The following SEC22C variants were observed in gnomAD, a reference collection of about 807,000 sequenced individuals.
SEC22C encodes the protein SEC22 homolog C, vesicle trafficking protein.
A neutral mutation model predicts 34.7 loss-of-function variants in SEC22C; 29 were observed. That is an observed-to-expected ratio of 0.84 (90% CI 0.62 to 1.14). The LOEUF (loss-of-function observed/expected upper bound fraction) is 1.14, where lower values mean the gene tolerates loss of function less well. Ranked by LOEUF, SEC22C falls within the 50% of genes most tolerant of loss-of-function variation. SEC22C has a pLI of 0.00. For missense variants in SEC22C, 337 were observed against 369.0 expected (o/e 0.91, Z 0.71); for synonymous variants, 117 against 132.8 (o/e 0.88, Z 0.82).
At position 42,597,379 on chromosome 3, in the gene SEC22C, C is replaced by A. The variant is rs568392387; in HGVS notation, c.-28+3581G>T. 9.9e-5 allele frequency among the ~76,000 whole-genome samples: 15 copies of A among 152,218 alleles called. No homozygotes were observed. In the South Asian group the frequency reaches 3.1e-3, roughly 32 times the overall value. On this transcript the variant is annotated intron_variant, in intron 1 of 6. Coordinates refer to the SEC22C transcript ENST00000417572. ...GACCAGCCTGACCAACATGGTGAAA[C>A]CCTGTCTCTACTAAAAATACAAAAA...
chr3:42,564,938 G>T (rs1703143589), intron 2 of SEC22C, among the ~76,000 whole-genome samples: 1 of 152,162 alleles, frequency 6.6e-6, no homozygotes, highest in Non-Finnish European at 1.5e-5. Flanking sequence ...TCGTGTTTTT[G>T]TAGAGATGGG....
intron 3 of SEC22C, among the ~76,000 whole-genome samples, chr3:42,562,792 C>G (rs1703001485): frequency 6.6e-6 from 1 of 152,310 alleles, no homozygotes; most frequent in Non-Finnish European, 1.5e-5. Context: ...ATGCTGTGTT[C>G]CAAAGTCTCT....
chr3:42,594,703 T>C (rs1460803307), intron 1 of SEC22C: 2 of 456,734 alleles, frequency 4.4e-6, no homozygotes, highest in Non-Finnish European at 7.8e-6. Flanking sequence ...CATGTAAATA[T>C]TTTTTAAATA....
intron 1 of SEC22C, among the ~76,000 whole-genome samples, chr3:42,572,637 G>A (rs1703717538): frequency 6.6e-6 from 1 of 152,172 alleles, no homozygotes; most frequent in Non-Finnish European, 1.5e-5. Flanking sequence ...GCAGTAATAA[G>A]ACAGTCCCTT....
intron 1 of SEC22C, chr3:42,591,734 C>A: frequency 1.4e-6 from 1 of 696,718 alleles, no homozygotes. Flanking sequence ...GAAAGAGAGG[C>A]TCAAAGAGTT....
chr3:42,555,889 T>C (rs1414021460), intron 6 of SEC22C, 41 bp downstream of exon 6: 1 of 1,469,276 alleles, frequency 6.8e-7, no homozygotes, highest in East Asian at 2.3e-5. Flanking sequence ...CAAAGTAAGG[T>C]CATGGATTTA....
rs146708859 is a variant in SEC22C, at chr3:42,557,662, C to G, written c.561G>C (p.Leu187=). 412 of 1,610,684 alleles carry G rather than the reference C, an allele frequency of 2.6e-4. No homozygotes were observed. The highest frequency in any genetic ancestry group is 4.0e-4 in the Admixed American group (24 of 59,848). The part of the protein sequence containing the change: ...PNFRMEPVTA[L]GILSLILNIM... ...TGTTGAGAATGAGGGAGAGGATACC[C>G]AGGGCTGTCACTGGTTCCATTCGGA... The change falls in exon 5 of 7, where the codon CTG becomes CTC. Residue 187 remains leucine, a synonymous_variant. Coordinates refer to ENST00000264454, the MANE Select transcript of SEC22C (RefSeq NM_032970.4).
chr3:42,600,122 G>A (rs1705223710), intron 1 of SEC22C, among the ~76,000 whole-genome samples: 1 of 152,118 alleles, frequency 6.6e-6, no homozygotes, highest in East Asian at 1.9e-4. Context: ...TTTAAAAACG[G>A]GCAGAAGACT....
chr3:42,601,062 C>A, exon 1 of SEC22C: 1 of 1,573,358 alleles, frequency 6.4e-7, no homozygotes, highest in Non-Finnish European at 8.6e-7. Context: ...AACCGGGAGC[C>A]GGGTGAGCTG....
chr3:42,561,917 C>T (rs1052363780), intron 3 of SEC22C, among the ~76,000 whole-genome samples: 1 of 151,600 alleles, frequency 6.6e-6, no homozygotes, highest in Non-Finnish European at 1.5e-5. Flanking sequence ...TCTGATAGTA[C>T]GGTACAACCC....
At chr3:42,581,570 G>T (rs1704352942) in intron 1 of SEC22C, among the ~76,000 whole-genome samples, 2 of 152,278 alleles carry the variant, frequency 1.3e-5, no homozygotes, top group Non-Finnish European at 2.9e-5. Flanking sequence ...CTTCCAACTG[G>T]GAGAAGCCCT....
At chr3:42,554,989 AC>A (rs1287643318) in intron 6 of SEC22C, among the ~76,000 whole-genome samples, 2 of 138,036 alleles carry the variant, frequency 1.4e-5, no homozygotes, top group African/African-American at 5.9e-5. Context: ...AACAACAACA[AC>A]AACAACAAAA....
At chr3:42,579,592 C>A (rs575505237) in intron 1 of SEC22C, 55 of 150,362 alleles carry the variant, frequency 3.7e-4, no homozygotes, top group African/African-American at 1.3e-3. Flanking sequence ...CAAAGTGAGA[C>A]CCTGTCTCAA....
chr3:42,565,612 C>G (rs560550361), intron 2 of SEC22C, among the ~76,000 whole-genome samples: 7 of 152,280 alleles, frequency 4.6e-5, no homozygotes, highest in Admixed American at 2.6e-4. Context: ...AATTTGGACA[C>G]AGAGACAGAA....
chr3:42,569,190 T>C (rs1703452884), intron 1 of SEC22C, 117 bp from the exon 2 acceptor site: 2 of 670,600 alleles, frequency 3.0e-6, no homozygotes, highest in African/African-American at 3.6e-5. Context: ...TAATTGCAAA[T>C]GTTGCTTTTA....
intron 1 of SEC22C, among the ~76,000 whole-genome samples, chr3:42,589,184 G>A (rs1454973329): frequency 6.6e-6 from 1 of 151,806 alleles, no homozygotes. Flanking sequence ...CAGGAGAATC[G>A]CTTGAACCCG....
Position 42,557,703 on chromosome 3 carries a change from A to G in SEC22C, c.527-7T>C, listed in dbSNP as rs201052635. On this transcript the variant is annotated splice_polypyrimidine_tract_variant and splice_region_variant and intron_variant, in intron 4 of 6. Transcript: ENST00000264454. ...TCCATTCGGAAATTAGGAGCTTCACAATGGAAAAAAAACAAGTGTCTAGTG... is the reference window on the plus strand; with the variant it reads ...TCCATTCGGAAATTAGGAGCTTCACGATGGAAAAAAAACAAGTGTCTAGTG... 4.0e-4 allele frequency: 579 copies of G among 1,444,306 alleles called. No homozygotes were observed. In the African/African-American group the frequency reaches 7.2e-3, roughly 18 times the overall value. The allele number at this position is 1,444,306 out of a possible 1,614,324, so 89.5% of individuals were successfully genotyped here.
rs990494014 is a variant in SEC22C, at chr3:42,552,790, T to C, written c.*458A>G. 1.0e-6 allele frequency: 1 copy of C among 997,538 alleles called. No individual in the cohort carries two copies. The highest frequency in any genetic ancestry group is 1.7e-5 in the African/African-American group (1 of 57,418). 61.8% of individuals were successfully genotyped at this position (997,538 alleles called of 1,614,324 possible). A position where few individuals can be genotyped will look rare whatever the true frequency, so the allele number is the denominator to read the frequency against. On this transcript the variant is annotated 3_prime_UTR_variant, in exon 7 of 7. Coordinates refer to ENST00000264454, the MANE Select transcript of SEC22C (RefSeq NM_032970.4). ...ACCATATTTTTAGGTTTTTAATTCA[T>C]CCTGTACTGACCCTCTGAAAAAAAA...
chr3:42,594,626 A>C, intron 1 of SEC22C: 1 of 808,052 alleles, frequency 1.2e-6, no homozygotes, highest in South Asian at 1.8e-5. Context: ...TTAAAACATG[A>C]ATGAAACCTC....
Sources: allele counts gnomAD v4.1 joint callset (sites outside exome capture counted in the v4.1 genomes callset), GRCh38; gene constraint gnomAD v4.1.1; transcripts MANE v1.5; gene names NCBI Gene and HGNC (gene_info 2026-07-23, HGNC 2026-07-21).